Variants in NAV1 observed in about 807,000 individuals in gnomAD.
The protein encoded by NAV1 is pore membrane and/or filament interacting like protein 3.
NAV1 carries 18 observed loss-of-function variants against 175.2 expected under a neutral mutation model. The observed-to-expected ratio is 0.10, with a 90% confidence interval of 0.07 to 0.15. The LOEUF is 0.15. Among genes scored for constraint, NAV1 ranks in the 10% least tolerant of loss-of-function variants. NAV1 has a pLI of 1.00. For synonymous variants in NAV1, 897 were observed against 978.7 expected (o/e 0.92, Z 1.56); for missense variants, 1,731 against 2,436.6 (o/e 0.71, Z 6.10).
At chr1:201,540,308 T>TC (rs926630527) in intron 1 of NAV1, among the ~76,000 whole-genome samples, 3 of 152,114 alleles carry the variant, frequency 2.0e-5, no homozygotes, top group African/African-American at 7.2e-5. Context: ...AAGAGCTGGA[T>TC]CCCCCCTTGA....
intron 3 of NAV1, among the ~76,000 whole-genome samples, chr1:201,758,601 C>G (rs1558133362): frequency 6.6e-6 from 1 of 152,132 alleles, no homozygotes; most frequent in South Asian, 2.1e-4. Flanking sequence ...AGTGACGGAG[C>G]AGACACAAAT....
At chr1:201,586,628 G>A (rs572452104) in intron 1 of NAV1, among the ~76,000 whole-genome samples, 6 of 152,062 alleles carry the variant, frequency 3.9e-5, no homozygotes, top group Admixed American at 1.3e-4. Flanking sequence ...CAGTGGGCAG[G>A]CACACATGGG....
At chr1:201,706,271 G>A (rs1383085689) in intron 1 of NAV1, among the ~76,000 whole-genome samples, 2 of 151,640 alleles carry the variant, frequency 1.3e-5, no homozygotes, top group African/African-American at 4.9e-5. Flanking sequence ...GTGTGTGTGT[G>A]TGTGTGTGTC....
At chr1:201,692,184 G>A (rs12750952) in intron 1 of NAV1, among the ~76,000 whole-genome samples, 71,022 of 151,994 alleles carry the variant, frequency 0.47, 16,945 homozygotes, top group South Asian at 0.7. Context: ...GTTGCTGCTT[G>A]TCAGGTGTGG....
At chr1:201,737,304 C>T (rs1038088300) in intron 3 of NAV1, 7 of 152,174 alleles carry the variant, frequency 4.6e-5, no homozygotes, top group South Asian at 2.1e-4. Flanking sequence ...AAGGTAGACA[C>T]TACTGTGGGA....
chr1:201,701,734 G>A (rs538551357), intron 1 of NAV1, among the ~76,000 whole-genome samples: 68 of 152,362 alleles, frequency 4.5e-4, no homozygotes, highest in Non-Finnish European at 7.8e-4. Flanking sequence ...ACAATGACAA[G>A]TGTCAGTGAA....
intron 1 of NAV1, among the ~76,000 whole-genome samples, chr1:201,551,177 T>C (rs1665841565): frequency 1.3e-5 from 2 of 152,184 alleles, no homozygotes; most frequent in South Asian, 4.1e-4. Flanking sequence ...TCTTTGTCCT[T>C]TCCAATACAC....
chr1:201,819,334 T>G lies in NAV1; in HGVS notation c.5539-503T>G, dbSNP rs189047387. ...TATAGCAGGCATACTCCCAAGTAATTGTTGTACATACACATGTGTCACAGT... is the reference window on the plus strand; with the variant it reads ...TATAGCAGGCATACTCCCAAGTAATGGTTGTACATACACATGTGTCACAGT... On this transcript the variant is annotated intron_variant, in intron 29 of 29. Coordinates refer to ENST00000367296, the Ensembl canonical transcript of NAV1. Among the ~76,000 whole-genome samples the G allele has an allele frequency of 5.7e-3, 861 of 152,304 alleles. 7 individuals are homozygous for G. Among genetic ancestry groups the G allele is most frequent in the African/African-American group, 0.019 (810 of 41,560 alleles).
exon 1 of NAV1, chr1:201,623,115 C>G (rs532539393): frequency 2.0e-6 from 2 of 986,036 alleles, no homozygotes; most frequent in Non-Finnish European, 2.4e-6. Flanking sequence ...GGGGGAGAGG[C>G]TCTCCCAAGT....
chr1:201,719,174 A>G (rs1224044780), intron 3 of NAV1, among the ~76,000 whole-genome samples: 2 of 151,842 alleles, frequency 1.3e-5, no homozygotes, highest in Admixed American at 6.5e-5. Context: ...AAAAAAAACC[A>G]AAAAGGTTAT....
At chr1:201,554,932 T>G (rs772890366) in intron 1 of NAV1, among the ~76,000 whole-genome samples, 7 of 152,174 alleles carry the variant, frequency 4.6e-5, no homozygotes, top group Non-Finnish European at 7.3e-5. Context: ...GTCCGGTGCT[T>G]TCCGACAATC....
rs74588982 is a variant in NAV1, at chr1:201,586,380, G to T, written c.-143-2159G>T. On this transcript the variant is annotated intron_variant, in intron 1 of 33. Coordinates refer to the NAV1 transcript ENST00000685211. ...ATGATAAGAGTTCTGAAGCTAGATG[G>T]TAGTGACAGTTGCACAAAACTTTGA... Among the ~76,000 whole-genome samples the T allele has an allele frequency of 3.7e-3, 564 of 152,302 alleles. 4 individuals carry two copies. The highest frequency in any genetic ancestry group is 0.013 in the African/African-American group (550 of 41,564).
intron 2 of NAV1, among the ~76,000 whole-genome samples, chr1:201,605,544 C>G (rs1305059912): frequency 1.3e-5 from 2 of 152,156 alleles, no homozygotes; most frequent in Non-Finnish European, 2.9e-5. Flanking sequence ...GGGATATAAA[C>G]TCTAGCATAG....
chr1:201,649,184 C>G, exon 1 of NAV1: 1 of 1,612,430 alleles, frequency 6.2e-7, no homozygotes, highest in South Asian at 1.1e-5. Context: ...GAAAGCCGAG[C>G]CGGATCCCTC....
chr1:201,705,746 C>T (rs1466707742), intron 1 of NAV1, among the ~76,000 whole-genome samples: 1 of 152,106 alleles, frequency 6.6e-6, no homozygotes, highest in Non-Finnish European at 1.5e-5. Context: ...TAGAGCTTCT[C>T]GGGTCATCAG....
At chr1:201,642,265 T>G (rs533247666) in intron 2 of NAV1, among the ~76,000 whole-genome samples, 8 of 150,132 alleles carry the variant, frequency 5.3e-5, no homozygotes. Flanking sequence ...CAGGCTGGAG[T>G]GCAGTGGCGC....
At chr1:201,550,619 C>T (rs1332329236) in intron 1 of NAV1, among the ~76,000 whole-genome samples, 1 of 152,186 alleles carries the variant, frequency 6.6e-6, no homozygotes, top group Non-Finnish European at 1.5e-5. Context: ...AAATAGAATG[C>T]ATTTTTGTGA....
intron 11 of NAV1, among the ~76,000 whole-genome samples, 160 bp from the exon 16 acceptor site, chr1:201,790,393 TG>T (rs1677038005): frequency 6.6e-6 from 1 of 152,194 alleles, no homozygotes; most frequent in Admixed American, 6.5e-5. Context: ...AGCCGAGTCC[TG>T]TGAGGAGCCA....
intron 1 of NAV1, among the ~76,000 whole-genome samples, chr1:201,689,351 G>A (rs1670808724): frequency 6.6e-6 from 1 of 152,102 alleles, no homozygotes; most frequent in Non-Finnish European, 1.5e-5. Context: ...TTTTCCCAGG[G>A]GGAAGTAGCT....
Sources: gnomAD v4.1 joint callset for allele counts (sites outside exome capture counted in the v4.1 genomes callset) on GRCh38, gnomAD v4.1.1 for gene constraint, MANE v1.5 for transcripts, NCBI Gene and HGNC (gene_info 2026-07-23, HGNC 2026-07-21) for gene names.